Variants in C3orf49 observed in about 807,000 individuals in gnomAD.
C3orf49 encodes the protein chromosome 3 open reading frame 49.
A neutral mutation model predicts 13.3 loss-of-function variants in C3orf49; 27 were observed. The observed-to-expected ratio is 2.02, with a 90% CI of 1.49 to 2.79. The LOEUF is 2.79. Ranked by LOEUF, C3orf49 falls within the 30% of genes most tolerant of loss-of-function variation. C3orf49 has a pLI of 0.00. For missense variants in C3orf49, 242 were observed against 134.2 expected, an observed-to-expected ratio of 1.80 and a Z score of -3.97; for synonymous variants, 87 against 47.6, an observed-to-expected ratio of 1.83 and a Z score of -3.40.
At position 63,831,113 on chromosome 3, in the gene C3orf49, C is replaced by T; in HGVS notation, c.574C>T (p.Pro192Ser). 3 of 700,188 alleles carry T rather than the reference C, an allele frequency of 4.3e-6. No homozygotes were observed. The highest frequency in any genetic ancestry group is 7.8e-6 in the Non-Finnish European group (3 of 384,392). The allele number at this position is 700,188 out of a possible 1,614,324, so 43.4% of individuals were successfully genotyped here. ...GTGTTTTGCATTTTTACCATAGGGGCCATATTCACCAAAAAAGAGACCACA... is the reference window on the plus strand; with the variant it reads ...GTGTTTTGCATTTTTACCATAGGGGTCATATTCACCAAAAAAGAGACCACA... ...TSLPSGLQKG[P>S]YSPKKRPHFP... Residue 192 changes from proline (P) to serine (S), a missense_variant, in exon 4 of 7, where the codon CCA (proline) becomes TCA (serine). Pro to Ser is a moderately conservative substitution (Grantham distance 74, BLOSUM62 -1). Coordinates refer to ENST00000295896, the MANE Select transcript of C3orf49 (RefSeq NM_001355236.2).
the C3orf49 span, chr3:63,805,077 A>G: frequency 3.9e-5 from 6 of 152,328 alleles, no homozygotes; most frequent in African/African-American, 1.4e-4. Flanking sequence ...GCACAAATGG[A>G]TGGACTGCAG....
the C3orf49 span, among the ~76,000 whole-genome samples, chr3:63,807,875 A>AAAAG: frequency 1.2e-4 from 18 of 148,518 alleles, no homozygotes; most frequent in Non-Finnish European, 2.2e-4. Flanking sequence ...AAAAAAAAAA[A>AAAAG]AAAGAAAGAA....
chr3:63,814,337 C>T (rs1375481952), upstream of C3orf49, among the ~76,000 whole-genome samples: 1 of 152,054 alleles, frequency 6.6e-6, no homozygotes, highest in Admixed American at 6.5e-5. Flanking sequence ...GTCCAGTACT[C>T]TACAGTTTAC....
chr3:63,789,772 C>T, the C3orf49 span, among the ~76,000 whole-genome samples: 2 of 148,036 alleles, frequency 1.4e-5, no homozygotes, highest in Non-Finnish European at 3.0e-5. Context: ...GATGGCGCCA[C>T]CGCACTCTAG....
intron 3 of C3orf49, 147 bp downstream of exon 3, chr3:63,827,872 G>T: frequency 1.8e-6 from 1 of 567,234 alleles, no homozygotes. Flanking sequence ...AAGAATTTAG[G>T]GTACTCTCTG....
At chr3:63,836,438 C>A in intron 5 of C3orf49, 2 of 1,330,922 alleles carry the variant, frequency 1.5e-6, no homozygotes, top group South Asian at 2.4e-5. Flanking sequence ...ATATCACAAA[C>A]CTCTCCTAAT....
chr3:63,801,262 A>AT, the C3orf49 span, among the ~76,000 whole-genome samples: 289 of 151,646 alleles, frequency 1.9e-3, 1 homozygote, highest in African/African-American at 6.6e-3. Flanking sequence ...TGAGCCTCAA[A>AT]TTTTTTTTTA....
At chr3:63,828,234 C>G (rs754237690) in intron 3 of C3orf49, among the ~76,000 whole-genome samples, 1 of 152,138 alleles carries the variant, frequency 6.6e-6, no homozygotes, top group Non-Finnish European at 1.5e-5. Context: ...GACAGTGCAG[C>G]GTAGATTATC....
the C3orf49 span, among the ~76,000 whole-genome samples, chr3:63,782,208 T>C: frequency 1.3e-5 from 2 of 152,336 alleles, no homozygotes; most frequent in South Asian, 2.1e-4. Context: ...CTTTATTCTA[T>C]TGCAATTTCA....
intron 1 of C3orf49, among the ~76,000 whole-genome samples, chr3:63,820,335 C>T (rs553854245): frequency 1.3e-4 from 20 of 152,130 alleles, no homozygotes; most frequent in African/African-American, 4.3e-4. Context: ...GTAGGCACTC[C>T]GGGGGAAGCA....
At chr3:63,807,622 G>A in the C3orf49 span, among the ~76,000 whole-genome samples, 1 of 152,016 alleles carries the variant, frequency 6.6e-6, no homozygotes, top group Non-Finnish European at 1.5e-5. Context: ...TTGCAAGGTC[G>A]AGACCAGTGG....
chr3:63,840,259 A>C (rs140452899), intron 5 of C3orf49, among the ~76,000 whole-genome samples: 2 of 152,328 alleles, frequency 1.3e-5, no homozygotes, highest in Admixed American at 1.3e-4. Context: ...GGAAATATTT[A>C]AAAGATGTAG....
intron 6 of C3orf49, among the ~76,000 whole-genome samples, chr3:63,846,379 T>C (rs1347014932): frequency 6.6e-6 from 1 of 152,146 alleles, no homozygotes; most frequent in Non-Finnish European, 1.5e-5. Context: ...TCTGAAGAAT[T>C]CAGGGTCTTA....
chr3:63,825,321 C>CA lies in C3orf49; in HGVS notation c.445+1761dup, dbSNP rs562183708. 3.5e-4 allele frequency among the ~76,000 whole-genome samples: 52 copies of CA among 149,232 alleles called. No individual in the cohort carries two copies. In the South Asian group the frequency reaches 6.6e-3, roughly 19 times the overall value. On this transcript the variant is annotated intron_variant, in intron 2 of 6. Coordinates refer to ENST00000295896, the MANE Select transcript of C3orf49 (RefSeq NM_001355236.2). ...TGTGCTTTTTCCAGGAAAAAAAAAA[C>CA]AAAAAAAAACCCTGATGGTTTCCAG...
chr3:63,812,455 T>A, the C3orf49 span, among the ~76,000 whole-genome samples: 1 of 152,182 alleles, frequency 6.6e-6, no homozygotes, highest in Non-Finnish European at 1.5e-5. Context: ...TGTCTCCAGA[T>A]TCAAGATAAA....
upstream of C3orf49, among the ~76,000 whole-genome samples, chr3:63,817,717 G>A (rs1285281449): frequency 6.6e-6 from 1 of 151,972 alleles, no homozygotes; most frequent in Non-Finnish European, 1.5e-5. Flanking sequence ...ACTCCTTTGG[G>A]AACCTACAAG....
chr3:63,837,499 T>G (rs1488226421), intron 5 of C3orf49, among the ~76,000 whole-genome samples: 2 of 152,088 alleles, frequency 1.3e-5, no homozygotes, highest in East Asian at 1.9e-4. Context: ...TTATTAGATA[T>G]TCTAGGCAGT....
At chr3:63,823,194 T>C (rs1251255942) in intron 1 of C3orf49, 56 bp from the exon 2 acceptor site, 6 of 607,944 alleles carry the variant, frequency 9.9e-6, no homozygotes, top group Non-Finnish European at 1.8e-5. Flanking sequence ...ATGATTTAAA[T>C]TTTTCACTTT....
chr3:63,825,964 A>C (rs546730927), intron 2 of C3orf49, among the ~76,000 whole-genome samples: 43 of 152,336 alleles, frequency 2.8e-4, no homozygotes, highest in African/African-American at 9.1e-4. Flanking sequence ...AGACATAAAG[A>C]TGGCTTACAC....
Sources: allele counts gnomAD v4.1 joint callset (sites outside exome capture counted in the v4.1 genomes callset), GRCh38; gene constraint gnomAD v4.1.1; transcripts MANE v1.5; gene names NCBI Gene and HGNC (gene_info 2026-07-23, HGNC 2026-07-21).